The following CSMD2 variants were observed in gnomAD, a reference collection of about 807,000 sequenced individuals.
CSMD2 encodes the protein CUB and Sushi multiple domains 2, also known as CUB and sushi domain-containing protein 2.
In CSMD2, 130 loss-of-function variants were observed where a neutral mutation model predicts 398.5. That is an observed-to-expected ratio of 0.33 (90% CI 0.28 to 0.38). The LOEUF is 0.38. Ranked by LOEUF, CSMD2 falls within the 10% of genes least tolerant of loss-of-function variation. The pLI, the probability that CSMD2 is intolerant of heterozygous loss-of-function variation, is 1.00. For synonymous variants in CSMD2, 1,828 were observed against 1,908.5 expected (o/e 0.96, Z 1.10); for missense variants, 3,829 against 4,764.9 (o/e 0.80, Z 5.78).
intron 3 of CSMD2, among the ~76,000 whole-genome samples, chr1:33,968,307 C>T (rs562905057): frequency 3.2e-4 from 49 of 152,266 alleles, no homozygotes; most frequent in African/African-American, 1.1e-3. Flanking sequence ...TTACAAATTC[C>T]AGGTGGCAGA....
At chr1:33,729,637 C>G (rs1459945898) in intron 15 of CSMD2, among the ~76,000 whole-genome samples, 1 of 150,552 alleles carries the variant, frequency 6.6e-6, no homozygotes, top group Non-Finnish European at 1.5e-5. Context: ...CCCCTCCCCC[C>G]ACCCCACAAC....
chr1:34,111,819 C>T (rs1281487731), intron 1 of CSMD2, among the ~76,000 whole-genome samples: 1 of 152,014 alleles, frequency 6.6e-6, no homozygotes, highest in Non-Finnish European at 1.5e-5. Context: ...GGTCATATGC[C>T]AGACACAGCA....
At chr1:33,671,208 C>A (rs911073088) in intron 25 of CSMD2, among the ~76,000 whole-genome samples, 1 of 152,120 alleles carries the variant, frequency 6.6e-6, no homozygotes, top group Non-Finnish European at 1.5e-5. Context: ...CTAGTGAGAG[C>A]AGTTTCCTTG....
At chr1:34,133,665 G>C (rs536315642) in intron 1 of CSMD2, among the ~76,000 whole-genome samples, 17 of 152,132 alleles carry the variant, frequency 1.1e-4, no homozygotes, top group Admixed American at 5.2e-4. Context: ...CATAGTTACA[G>C]GTTGTGCAAA....
In CSMD2 at chr1:33,568,137, AAAAC is replaced by A. The variant is rs949792579; in HGVS notation, c.8132-300_8132-297del. On this transcript the variant is annotated intron_variant, in intron 52 of 70. Transcript: ENST00000373381. ...CAGATACAAAAAAGCCTTCTATAAA[AAAAC>A]AAACAAACAAACAAGAAACGCCCCC... Among the ~76,000 whole-genome samples the A allele has an allele frequency of 4.0e-5, 6 of 151,400 alleles. No homozygotes were observed. The South Asian group carries it at 6.2e-4, about 16-fold the overall frequency.
At position 33,527,793 on chromosome 1, in the gene CSMD2, C is replaced by G. The variant is rs545768107; in HGVS notation, c.10172-535G>C. Among the ~76,000 whole-genome samples, 3 of 152,110 alleles carry G rather than the reference C, an allele frequency of 2.0e-5. No homozygotes were observed. In the South Asian group the frequency reaches 6.2e-4, roughly 32 times the overall value. On this transcript the variant is annotated intron_variant, in intron 64 of 70. Coordinates refer to ENST00000373381, the MANE Select transcript of CSMD2 (RefSeq NM_001281956.2). ...AATAAAAGGTGTATATTTTCCCATC[C>G]AAGTGCACAGACTCCCTGAATGTCC...
In CSMD2 at chr1:33,918,599, C is replaced by T. The variant is rs921744975; in HGVS notation, c.713-298G>A. ...ATGGTCATAAGCAGAGACATATGAA[C>T]GTGCAAGGCATGTCTAAGATAAACA... On this transcript the variant is annotated intron_variant, in intron 4 of 70. Transcript: ENST00000373381. Among the ~76,000 whole-genome samples the T allele has an allele frequency of 2.6e-5, 4 of 152,034 alleles. No individual in the cohort carries two copies. In the South Asian group the frequency reaches 6.2e-4, roughly 24 times the overall value.
intron 21 of CSMD2, among the ~76,000 whole-genome samples, chr1:33,710,019 G>A (rs1000688431): frequency 2.6e-5 from 4 of 152,114 alleles, no homozygotes; most frequent in African/African-American, 9.7e-5. Context: ...TCCAGAATTA[G>A]TCATTCTTTC....
intron 7 of CSMD2, among the ~76,000 whole-genome samples, chr1:33,820,891 T>TC (rs1390969807): frequency 2.0e-5 from 3 of 151,612 alleles, no homozygotes; most frequent in Admixed American, 6.6e-5. Context: ...CCTGGTGACC[T>TC]CCCCCCACCA....
intron 29 of CSMD2, among the ~76,000 whole-genome samples, chr1:33,637,517 AT>A (rs1425122175): frequency 6.6e-6 from 1 of 152,170 alleles, no homozygotes; most frequent in Admixed American, 6.5e-5. Flanking sequence ...ATCCCTCACC[AT>A]CAGCTGGAAA....
intron 21 of CSMD2, chr1:33,709,623 G>A: frequency 2.9e-6 from 1 of 347,116 alleles, no homozygotes. Flanking sequence ...CCGAGGAGGA[G>A]GTCAGGGGAA....
chr1:33,629,061 T>C (rs1460102153), intron 32 of CSMD2, among the ~76,000 whole-genome samples: 9 of 142,210 alleles, frequency 6.3e-5, no homozygotes, highest in South Asian at 2.3e-4. Flanking sequence ...TTATAAGCCC[T>C]ACTGAAAAAA....
At chr1:33,572,193 G>C (rs1659652281) in intron 50 of CSMD2, among the ~76,000 whole-genome samples, 1 of 152,136 alleles carries the variant, frequency 6.6e-6, no homozygotes, top group African/African-American at 2.4e-5. Context: ...CCTAAAAGTT[G>C]TTGTTTTTAG....
rs1225945971 is a variant in CSMD2, at chr1:33,587,108, T to C, written c.6917A>G (p.Glu2306Gly). 6.2e-7 allele frequency: 1 copy of C among 1,608,362 alleles called. No homozygotes were observed. The highest frequency in any genetic ancestry group is 1.7e-5 in the Admixed American group (1 of 59,318). The part of the protein sequence containing the change: ...TILPNAEVVT[E>G]NEEFNIGDIV... ...GGTACCTATATTGAATTCTTCATTC[T>C]CTGTGACGACTTCGGCGTTGGGGAG... Residue 2306 changes from glutamate (E) to glycine (G), a missense_variant, in exon 45 of 71, where the codon GAG becomes GGG. Transcript: ENST00000373381.
chr1:33,759,187 C>A (rs575344167), intron 13 of CSMD2, among the ~76,000 whole-genome samples: 17 of 152,182 alleles, frequency 1.1e-4, no homozygotes, highest in African/African-American at 4.1e-4. Context: ...TTGTGAGGGA[C>A]ACTCCAACAT....
chr1:33,886,872 C>A (rs1338432013), intron 5 of CSMD2, among the ~76,000 whole-genome samples: 1 of 152,152 alleles, frequency 6.6e-6, no homozygotes, highest in Admixed American at 6.5e-5. Context: ...TTTAGAGCTA[C>A]TTTGTGCTGA....
intron 2 of CSMD2, among the ~76,000 whole-genome samples, chr1:34,063,029 C>T (rs936687065): frequency 2.6e-5 from 4 of 152,008 alleles, no homozygotes; most frequent in South Asian, 4.2e-4. Flanking sequence ...GCGGAAACCC[C>T]GATAAAACCA....
chr1:33,891,532 A>G (rs1642017749), intron 5 of CSMD2, among the ~76,000 whole-genome samples: 1 of 151,816 alleles, frequency 6.6e-6, no homozygotes, highest in Admixed American at 6.6e-5. Flanking sequence ...CATTTGACCC[A>G]GCCATCTCAT....
chr1:33,666,868 C>T lies in CSMD2; in HGVS notation c.4053-3776G>A, dbSNP rs577627480. 3.9e-5 allele frequency among the ~76,000 whole-genome samples: 6 copies of T among 152,150 alleles called. No homozygotes were observed. The South Asian group carries it at 1.2e-3, about 32-fold the overall frequency. On this transcript the variant is annotated intron_variant, in intron 25 of 70. Transcript: ENST00000373381. ...GTGCCAGCCGTGTGGTGTGGCTGTA[C>T]GTGCTCTCAGAAAAGACATCGGTGT...
Sources: gnomAD v4.1 joint callset for allele counts (sites outside exome capture counted in the v4.1 genomes callset) on GRCh38, gnomAD v4.1.1 for gene constraint, MANE v1.5 for transcripts, NCBI Gene and HGNC (gene_info 2026-07-23, HGNC 2026-07-21) for gene names.